The following TTN variants were observed in gnomAD, a reference collection of about 807,000 sequenced individuals.
TTN encodes the protein titin, also known as connectin.
Under a neutral mutation model 3,223.0 loss-of-function variants are expected in TTN, and 1,525 were observed. That is an observed-to-expected ratio of 0.47 (90% confidence interval 0.45 to 0.49). The LOEUF is 0.49. Ranked by LOEUF, TTN falls within the 20% of genes least tolerant of loss-of-function variation. The pLI, the probability that TTN is intolerant of heterozygous loss-of-function variation, is 0.00. For synonymous variants in TTN, 14,094 were observed against 15,161.0 expected (o/e 0.93, Z 5.17); for missense variants, 40,786 against 43,424.0 (o/e 0.94, Z 5.40).
Position 178,622,684 on chromosome 2 carries a change from G to A in TTN, c.44899C>T (p.Arg14967Ter), listed in dbSNP as rs727505350. ...EMARFECELS[R>*]ENAKVKWFKD... ...CAGTCACAGACCTTAGCATTTTCTC[G>A]GGAAAGTTCACACTCAAATCGAGCC... Residue 14967 changes from arginine (R) to a stop codon, truncating the protein, a stop_gained, in exon 243 of 363, where the codon CGA becomes TGA. Coordinates refer to ENST00000589042, the MANE Select transcript of TTN (RefSeq NM_001267550.2). LOFTEE classifies it high-confidence loss of function. 11 of 1,605,362 alleles carry A rather than the reference G, an allele frequency of 6.9e-6. No individual in the cohort carries two copies. Among genetic ancestry groups the A allele is most frequent in the East Asian group, 2.3e-5 (1 of 44,338 alleles).
chr2:178,646,590 T>C, intron 215 of TTN, 31 bp from the exon 216 acceptor site: 3 of 1,380,958 alleles, frequency 2.2e-6, no homozygotes, highest in Non-Finnish European at 3.0e-6. Context: ...GGAGATGAGG[T>C]TGCAATGTAA....
rs1369898359 is a variant in TTN at position 178,550,787 on chromosome 2, A to C, written c.91564+180T>G. ...GGGAATGGAGTGAAATAATAGAAAAAATAATTGATGCCAATTATTTTTTTC... is the reference window on the plus strand; with the variant it reads ...GGGAATGGAGTGAAATAATAGAAAACATAATTGATGCCAATTATTTTTTTC... On this transcript the variant is annotated intron_variant, in intron 336 of 362. Transcript: ENST00000589042. 4.8e-6 allele frequency: 3 copies of C among 624,088 alleles called. No homozygotes were observed. The African/African-American group carries it at 5.6e-5, about 12-fold the overall frequency. 38.7% of individuals were successfully genotyped at this position (624,088 alleles called of 1,614,324 possible).
At chr2:178,671,691 A>G (rs1244153577) in intron 155 of TTN, among the ~76,000 whole-genome samples, 1 of 151,776 alleles carries the variant, frequency 6.6e-6, no homozygotes, top group Non-Finnish European at 1.5e-5. Flanking sequence ...TTATTTTGGT[A>G]CCTGTAACAA....
intron 79 of TTN, 57 bp downstream of exon 79, chr2:178,720,864 T>G: frequency 6.6e-7 from 1 of 1,509,510 alleles, no homozygotes; most frequent in East Asian, 2.3e-5. Context: ...CTCATAACTT[T>G]GCTAAGAGCC....
Position 178,620,078 on chromosome 2 carries a change from G to A in TTN, c.46339C>T (p.Leu15447Phe). 6.2e-7 allele frequency: 1 copy of A among 1,611,738 alleles called. No homozygotes were observed. The highest frequency in any genetic ancestry group is 1.1e-5 in the South Asian group (1 of 90,890). The change falls in exon 249 of 363, where the codon CTC (leucine) becomes TTC (phenylalanine). Residue 15447 changes from leucine (L) to phenylalanine (F), a missense_variant. Transcript: ENST00000589042. ...TCCAGCCTGCAATCTTTTATAATGA[G>A]TCTGTGTATACTTCCATCTTTTTCA... ...KFEKDGSIHR[L>F]IIKDCRLDDE...
At chr2:178,706,391 T>C in intron 102 of TTN, 63 bp downstream of exon 102, 1 of 1,491,262 alleles carries the variant, frequency 6.7e-7, no homozygotes, top group African/African-American at 1.4e-5. Flanking sequence ...TGGTTGACTG[T>C]GGATGCGGAA....
Position 178,566,575 on chromosome 2 carries a change from G to T in TTN, c.79557C>A (p.Ile26519=), listed in dbSNP as rs1286599929. The change falls in exon 326 of 363, where the codon ATC becomes ATA. Residue 26519 remains isoleucine (I), a synonymous_variant. Transcript: ENST00000589042. ...TACAGATTTCTACTACATATCCCAA[G>T]ATCTCACTGCCGCCATCATAGATGG... The part of the protein sequence containing the change: ...GKPIYDGGSE[I]LGYVVEICKA... 1.2e-6 allele frequency: 2 copies of T among 1,612,690 alleles called. No individual in the cohort carries two copies. The highest frequency in any genetic ancestry group is 8.5e-7 in the Non-Finnish European group (1 of 1,179,668).
At position 178,689,385 on chromosome 2, in the gene TTN, G is replaced by T; in HGVS notation, c.31928-12C>A. ...TGGTATTTCTGGCACTTAAAGGATAGTATTGAATTTTAAAATTTGTCAAAA... is the reference window on the plus strand; with the variant it reads ...TGGTATTTCTGGCACTTAAAGGATATTATTGAATTTTAAAATTTGTCAAAA... On this transcript the variant is annotated splice_polypyrimidine_tract_variant and intron_variant, in intron 123 of 362. Coordinates refer to ENST00000589042, the MANE Select transcript of TTN (RefSeq NM_001267550.2). 6.2e-7 allele frequency: 1 copy of T among 1,613,220 alleles called. No individual in the cohort carries two copies. Among genetic ancestry groups the T allele is most frequent in the Non-Finnish European group, 8.5e-7 (1 of 1,179,594 alleles).
In TTN at chr2:178,671,134, T is replaced by G. The variant is rs189966800; in HGVS notation, c.35264A>C (p.Lys11755Thr). The G allele has an allele frequency of 3.4e-4, 548 of 1,604,464 alleles. 1 individual carries two copies. In the African/African-American group the frequency reaches 6.5e-3, roughly 19 times the overall value. ...TCGAGGAACAACTTTAGTGGGCGGT[T>G]TTTTTGGAGGGATGATTTTCTCAGA... The part of the protein sequence containing the change: ...EISEKIIPPK[K>T]PPTKVVPRKE... The change falls in exon 156 of 363, where the codon AAA becomes ACA. Residue 11755 changes from lysine (K) to threonine (T), a missense_variant. Transcript: ENST00000589042.
intron 56 of TTN, 38 bp from the exon 57 acceptor site, chr2:178,732,385 G>A: frequency 6.3e-7 from 1 of 1,575,218 alleles, no homozygotes; most frequent in Non-Finnish European, 8.6e-7. Context: ...ATGTGAGAAA[G>A]AGGAAAGAAT....
Position 178,634,972 on chromosome 2 carries a change from CCT to C in TTN, c.42025-125_42025-124del, listed in dbSNP as rs978688769. On this transcript the variant is annotated intron_variant, in intron 228 of 362. Transcript: ENST00000589042. This position sits in a 1 kb window ranked among gnomAD's most constrained non-coding sequence, Gnocchi z 4.6. Reference sequence around the variant, plus strand: ...ACTAATAAAAGTAAGCAGAGAATTCCCTGTCATAACATTTTACACAAATTGTT... The same window carrying C: ...ACTAATAAAAGTAAGCAGAGAATTCCGTCATAACATTTTACACAAATTGTT... 2 of 1,370,694 alleles carry C rather than the reference CCT, an allele frequency of 1.5e-6. No homozygotes were observed. Among genetic ancestry groups the C allele is most frequent in the South Asian group, 1.5e-5 (1 of 66,452 alleles). 84.9% of individuals were successfully genotyped at this position (1,370,694 alleles called of 1,614,324 possible). A position where few individuals can be genotyped will look rare whatever the true frequency, so the allele number is the denominator to read the frequency against.
Position 178,759,007 on chromosome 2 carries a change from C to G in TTN, c.10280G>C (p.Ser3427Thr), listed in dbSNP as rs368333336. 1 of 1,613,894 alleles carries G rather than the reference C, an allele frequency of 6.2e-7. No homozygotes were observed. The highest frequency in any genetic ancestry group is 1.7e-5 in the Admixed American group (1 of 60,004). ...ACCTTCCAGACTCAGGTTGGCTGTG[C>G]TTGATACTTGGCCTACAGCATTACT... is the stretch of plus-strand genomic sequence containing the variant. The part of the protein sequence containing the change: ...VASNAVGQVS[S>T]TANLSLEGFS... The change falls in exon 44 of 363, where the codon AGC (serine) becomes ACC (threonine). Residue 3427 changes from serine to threonine, a missense_variant. Coordinates refer to ENST00000589042, the MANE Select transcript of TTN (RefSeq NM_001267550.2).
In TTN at chr2:178,777,863, G is replaced by T; in HGVS notation, c.4321C>A (p.Arg1441Ser). The change falls in exon 25 of 363, where the codon CGT becomes AGT. Residue 1441 changes from arginine (R) to serine (S), a missense_variant. Arg to Ser is a moderately radical substitution (Grantham distance 110, BLOSUM62 -1). Coordinates refer to ENST00000589042, the MANE Select transcript of TTN (RefSeq NM_001267550.2). Reference sequence around the variant, plus strand: ...GACTCATCTGTCTCCTCCAGCCTACGTCCAGGGGACATTCTTGCAGGGGAC... The same window carrying T: ...GACTCATCTGTCTCCTCCAGCCTACTTCCAGGGGACATTCTTGCAGGGGAC... The part of the protein sequence containing the change: ...RMSPARMSPG[R>S]RLEETDESQL... 6.2e-7 allele frequency: 1 copy of T among 1,613,964 alleles called. No individual in the cohort carries two copies. Among genetic ancestry groups the T allele is most frequent in the Non-Finnish European group, 8.5e-7 (1 of 1,179,926 alleles).
At chr2:178,743,745 A>G (rs945836871) in intron 47 of TTN, among the ~76,000 whole-genome samples, 1 of 151,980 alleles carries the variant, frequency 6.6e-6, no homozygotes, top group Non-Finnish European at 1.5e-5. Flanking sequence ...TATGTGACTA[A>G]GTGCAGAATA....
Position 178,802,253 on chromosome 2 carries a change from A to T in TTN, c.180T>A (p.Asp60Glu). Residue 60 changes from aspartate to glutamate, a missense_variant, in exon 3 of 363, where the codon GAT becomes GAA. Physicochemically the swap from Asp to Glu is conservative, Grantham distance 45. Transcript: ENST00000589042. ...TLPGVQISFS[D>E]GRAKLTIPAV... ...CGGGGATCGTCAGTTTAGCGCGGCC[A>T]TCGCTAAAGGAGATCTGCACGCCGG... The T allele has an allele frequency of 1.9e-6, 3 of 1,614,070 alleles. No homozygotes were observed. The highest frequency in any genetic ancestry group is 2.5e-6 in the Non-Finnish European group (3 of 1,179,994).
Position 178,714,418 on chromosome 2 carries a change from A to C in TTN, c.26356T>G (p.Ser8786Ala). Residue 8786 changes from serine (S) to alanine (A), a missense_variant, in exon 91 of 363, where the codon TCT becomes GCT. Ser to Ala is a moderately conservative substitution (Grantham distance 99). Coordinates refer to ENST00000589042, the MANE Select transcript of TTN (RefSeq NM_001267550.2). Reference protein sequence around the residue: ...IVRESDNIWISYSENIATLQF... With the variant: ...IVRESDNIWIAYSENIATLQF... ...AAGGTTGCAATGTTTTCTGAATAAG[A>C]AATCCATATGTTGTCACTTTCTCTA... The C allele has an allele frequency of 6.2e-7, 1 of 1,613,754 alleles. No homozygotes were observed. Among genetic ancestry groups the C allele is most frequent in the Non-Finnish European group, 8.5e-7 (1 of 1,179,752 alleles).
At chr2:178,750,584 G>C in intron 47 of TTN, 1 of 1,612,214 alleles carries the variant, frequency 6.2e-7, no homozygotes, top group Non-Finnish European at 8.5e-7. Flanking sequence ...GCAACGTTGT[G>C]GGCGTTTTCG....
intron 231 of TTN, 31 bp from the exon 232 acceptor site, chr2:178,633,707 G>GA: frequency 6.2e-7 from 1 of 1,607,064 alleles, no homozygotes; most frequent in Non-Finnish European, 8.5e-7. Flanking sequence ...AAAATTAGAA[G>GA]AATGTGAAAA....
At chr2:178,715,824 A>G (rs778122089) in intron 88 of TTN, 50 bp from the exon 89 acceptor site, 2 of 1,483,356 alleles carry the variant, frequency 1.3e-6, no homozygotes, top group Non-Finnish European at 1.8e-6. Context: ...ACAGATGCAT[A>G]TAATTCAAGA....
Sources: allele counts gnomAD v4.1 joint callset (sites outside exome capture counted in the v4.1 genomes callset), GRCh38; gene constraint gnomAD v4.1.1; non-coding constraint Gnocchi (gnomAD v3.1); transcripts MANE v1.5; gene names NCBI Gene and HGNC (gene_info 2026-07-23, HGNC 2026-07-21).